Variants in PCDH15 observed in about 807,000 individuals in gnomAD.
PCDH15 encodes the protein protocadherin-15.
PCDH15 carries 129 observed loss-of-function variants against 178.5 expected under a neutral mutation model. The ratio of observed to expected loss-of-function variants is 0.72; its 90% CI spans 0.63 to 0.84. The LOEUF (loss-of-function observed/expected upper bound fraction) is 0.84. Among genes scored for constraint, PCDH15 ranks in the 40% least tolerant of loss-of-function variants. PCDH15 has a pLI of 0.00. For missense variants in PCDH15, 2,230 were observed against 2,099.9 expected (o/e 1.06, Z -1.21); for synonymous variants, 800 against 732.0 (o/e 1.09, Z -1.50).
intron 2 of PCDH15, among the ~76,000 whole-genome samples, chr10:55,037,083 G>T (rs1028846871): frequency 4.6e-5 from 7 of 152,086 alleles, no homozygotes; most frequent in Admixed American, 1.3e-4. Context: ...CACAGAATCA[G>T]AAGACATAAT....
At chr10:54,913,129 T>C (rs1421805403) in intron 2 of PCDH15, among the ~76,000 whole-genome samples, 1 of 152,184 alleles carries the variant, frequency 6.6e-6, no homozygotes, top group Non-Finnish European at 1.5e-5. Context: ...TTAAGCTAGC[T>C]GCAGAAATTT....
intron 2 of PCDH15, among the ~76,000 whole-genome samples, chr10:54,617,980 G>C (rs2093232981): frequency 6.6e-6 from 1 of 151,408 alleles, no homozygotes; most frequent in Non-Finnish European, 1.5e-5. Context: ...GGAGGATATA[G>C]AATGGAATAA....
chr10:54,284,702 A>G (rs551994304), intron 8 of PCDH15, among the ~76,000 whole-genome samples: 1 of 152,332 alleles, frequency 6.6e-6, no homozygotes, highest in South Asian at 2.1e-4. Context: ...AATTGACCAC[A>G]TGAGAAGTTG....
chr10:54,663,661 A>G (rs940202726), intron 2 of PCDH15, among the ~76,000 whole-genome samples: 3 of 148,438 alleles, frequency 2.0e-5, no homozygotes, highest in African/African-American at 7.5e-5. Flanking sequence ...ATACCAAAAT[A>G]CCAAATCTTT....
At chr10:54,496,279 C>G (rs1452578849) in intron 3 of PCDH15, among the ~76,000 whole-genome samples, 2 of 152,022 alleles carry the variant, frequency 1.3e-5, no homozygotes, top group African/African-American at 4.8e-5. Context: ...TGGAAACTTC[C>G]AGTTTCCTGG....
intron 3 of PCDH15, among the ~76,000 whole-genome samples, chr10:54,430,610 A>G (rs1355055653): frequency 6.6e-6 from 1 of 152,160 alleles, no homozygotes; most frequent in Non-Finnish European, 1.5e-5. Context: ...TGATATAACA[A>G]AAGCAGTACT....
intron 1 of PCDH15, among the ~76,000 whole-genome samples, chr10:55,192,719 G>A (rs1449648042): frequency 1.3e-5 from 2 of 148,522 alleles, no homozygotes; most frequent in Non-Finnish European, 3.0e-5. Context: ...ATAGATGAAA[G>A]AATCTCTCTC....
chr10:54,945,352 G>GT, intron 2 of PCDH15, among the ~76,000 whole-genome samples: 1 of 110,440 alleles, frequency 9.1e-6, no homozygotes, highest in Non-Finnish European at 1.8e-5. Flanking sequence ...ATAGATAGAT[G>GT]ATAGATAGAT....
At chr10:55,259,058 C>T (rs1488399580) in intron 1 of PCDH15, among the ~76,000 whole-genome samples, 1 of 152,056 alleles carries the variant, frequency 6.6e-6, no homozygotes, top group Non-Finnish European at 1.5e-5. Flanking sequence ...GACTGATTTC[C>T]CTCTCCTCAT....
In PCDH15 at chr10:55,621,103, C is replaced by T. The variant is rs573891209; in HGVS notation, c.-156+6522G>A. 7.0e-4 allele frequency among the ~76,000 whole-genome samples: 107 copies of T among 151,878 alleles called. 2 individuals carry two copies. In the South Asian group the frequency reaches 0.022, roughly 32 times the overall value. On this transcript the variant is annotated intron_variant, in intron 2 of 5. Transcript: ENST00000613346. ...CATCAAATTATTAATCACAACATTG[C>T]TAAACTCAATTTTTACTCTCCTAAG...
intron 26 of PCDH15, among the ~76,000 whole-genome samples, chr10:53,867,885 TC>T (rs1246283518): frequency 1.3e-5 from 2 of 152,156 alleles, no homozygotes; most frequent in African/African-American, 4.8e-5. Flanking sequence ...TTTTTAATCA[TC>T]CTGTATCCCG....
At chr10:54,751,125 T>A (rs1470531506) in intron 1 of PCDH15, among the ~76,000 whole-genome samples, 1 of 152,144 alleles carries the variant, frequency 6.6e-6, no homozygotes, top group Non-Finnish European at 1.5e-5. Flanking sequence ...AATACTATAT[T>A]ACAATATTTT....
At chr10:55,453,453 G>T (rs1839479054) in intron 2 of PCDH15, among the ~76,000 whole-genome samples, 2 of 152,040 alleles carry the variant, frequency 1.3e-5, no homozygotes, top group Non-Finnish European at 2.9e-5. Context: ...ACCTCTTTAT[G>T]GTAACCTCCT....
intron 17 of PCDH15, among the ~76,000 whole-genome samples, chr10:54,076,834 A>G (rs1483221714): frequency 1.3e-5 from 2 of 152,080 alleles, no homozygotes; most frequent in East Asian, 3.9e-4. Context: ...AAATTTTCAA[A>G]CTCATCCTGG....
intron 7 of PCDH15, 64 bp downstream of exon 7, chr10:54,329,532 A>AT (rs1938961803): frequency 8.3e-7 from 1 of 1,211,158 alleles, no homozygotes; most frequent in African/African-American, 1.5e-5. Context: ...TATCTGATAC[A>AT]TTTTGGATGA....
intron 21 of PCDH15, among the ~76,000 whole-genome samples, chr10:53,982,076 T>C (rs1428425149): frequency 6.6e-6 from 1 of 152,128 alleles, no homozygotes; most frequent in Non-Finnish European, 1.5e-5. Flanking sequence ...AAAATGCTCA[T>C]CATCACTGGC....
At chr10:55,238,198 A>G (rs1351897063) in intron 1 of PCDH15, among the ~76,000 whole-genome samples, 2 of 130,258 alleles carry the variant, frequency 1.5e-5, no homozygotes, top group Non-Finnish European at 1.5e-5. Flanking sequence ...CCCAGGCTGG[A>G]GTGCACAGTG....
At chr10:54,436,656 A>T (rs7088742) in intron 3 of PCDH15, among the ~76,000 whole-genome samples, 1 of 151,964 alleles carries the variant, frequency 6.6e-6, no homozygotes, top group Non-Finnish European at 1.5e-5. Flanking sequence ...AGTTCTGATC[A>T]TCCTTAACCT....
chr10:54,965,470 A>G (rs539330219), intron 2 of PCDH15, among the ~76,000 whole-genome samples: 12 of 152,050 alleles, frequency 7.9e-5, no homozygotes, highest in African/African-American at 1.9e-4. Flanking sequence ...ACCTTCTGCC[A>G]TGATTGTGAG....
Sources: gnomAD v4.1 joint callset for allele counts (sites outside exome capture counted in the v4.1 genomes callset) on GRCh38, gnomAD v4.1.1 for gene constraint, MANE v1.5 for transcripts, NCBI Gene and HGNC (gene_info 2026-07-23, HGNC 2026-07-21) for gene names.